The following SGCZ variants were observed in gnomAD, a reference collection of about 807,000 sequenced individuals.
SGCZ encodes sarcoglycan zeta, also known as zeta-sarcoglycan.
SGCZ carries 40 observed loss-of-function variants against 41.3 expected under a neutral mutation model. That is an observed-to-expected ratio of 0.97 (90% CI 0.75 to 1.26). The LOEUF (loss-of-function observed/expected upper bound fraction) is 1.26, where lower values mean the gene tolerates loss of function less well. Ranked by LOEUF, SGCZ falls within the 50% of genes most tolerant of loss-of-function variation. The pLI, the probability that SGCZ is intolerant of heterozygous loss-of-function variation, is 0.00. For synonymous variants in SGCZ, 206 were observed against 137.5 expected, an observed-to-expected ratio of 1.50 and a Z score of -3.49; for missense variants, 552 against 369.8, an observed-to-expected ratio of 1.49 and a Z score of -4.04.
chr8:14,879,407 G>C (rs1804492811), intron 1 of SGCZ: 1 of 151,962 alleles, frequency 6.6e-6, no homozygotes, highest in Admixed American at 6.6e-5. Context: ...CATAGAACTA[G>C]AAAACCATGA....
intron 2 of SGCZ, among the ~76,000 whole-genome samples, chr8:14,541,181 T>C (rs948150816): frequency 2.6e-5 from 4 of 152,140 alleles, no homozygotes; most frequent in Non-Finnish European, 4.4e-5. Context: ...AGGTACTGAA[T>C]GTGTAGGTTC....
intron 2 of SGCZ, among the ~76,000 whole-genome samples, chr8:14,330,115 C>A (rs1023429802): frequency 1.3e-5 from 2 of 152,026 alleles, no homozygotes; most frequent in African/African-American, 4.8e-5. Context: ...TTAGAAAATG[C>A]TCTATTAGTA....
intron 1 of SGCZ, among the ~76,000 whole-genome samples, chr8:15,096,507 TG>T (rs1806351037): frequency 6.6e-6 from 1 of 152,152 alleles, no homozygotes; most frequent in Non-Finnish European, 1.5e-5. Flanking sequence ...GGCAGGACTG[TG>T]GGCATAAACG....
rs1369366803 is a variant in SGCZ at position 14,231,329 on chromosome 8, G to A, written c.424+6263C>T. Among the ~76,000 whole-genome samples, 6 of 151,838 alleles carry A rather than the reference G, an allele frequency of 4.0e-5. 1 individual carries two copies. Among genetic ancestry groups the A allele is most frequent in the Admixed American group, 3.9e-4 (6 of 15,198 alleles). ...GTTGGAGGTGGGCAGAGGGGCACTG[G>A]CCCAGTTAAGAGTCTTAGGGAAGGT... On this transcript the variant is annotated intron_variant, in intron 4 of 7. Coordinates refer to ENST00000382080, the MANE Select transcript of SGCZ (RefSeq NM_139167.4).
intron 7 of SGCZ, among the ~76,000 whole-genome samples, chr8:14,092,959 T>A (rs2116955676): frequency 6.6e-6 from 1 of 152,164 alleles, no homozygotes; most frequent in South Asian, 2.1e-4. Flanking sequence ...ATCTTCTAAC[T>A]TGGAAAATGC....
chr8:14,815,806 G>A (rs184721661), intron 1 of SGCZ, among the ~76,000 whole-genome samples: 115 of 152,278 alleles, frequency 7.6e-4, no homozygotes, highest in African/African-American at 2.5e-3. Context: ...TGGTATTATG[G>A]AATAAAACTG....
At chr8:14,729,882 C>G (rs1810178151) in intron 1 of SGCZ, among the ~76,000 whole-genome samples, 1 of 152,126 alleles carries the variant, frequency 6.6e-6, no homozygotes, top group Non-Finnish European at 1.5e-5. Flanking sequence ...GTCAGGATTT[C>G]AGGACCAGCC....
intron 2 of SGCZ, among the ~76,000 whole-genome samples, chr8:14,446,280 C>T (rs575730979): frequency 6.6e-6 from 1 of 152,316 alleles, no homozygotes; most frequent in South Asian, 2.1e-4. Context: ...GTTTTACCTA[C>T]TGCTGTCACT....
intron 1 of SGCZ, among the ~76,000 whole-genome samples, chr8:15,198,085 T>C (rs1800787492): frequency 6.7e-6 from 1 of 149,184 alleles, no homozygotes; most frequent in South Asian, 2.1e-4. Flanking sequence ...CAATTTGATA[T>C]GTATTATGAT....
At chr8:15,155,090 G>A (rs1036682914) in intron 1 of SGCZ, among the ~76,000 whole-genome samples, 5 of 152,028 alleles carry the variant, frequency 3.3e-5, no homozygotes, top group Non-Finnish European at 5.9e-5. Flanking sequence ...CCAGGAGTTC[G>A]AGACCAGCCT....
chr8:14,350,143 CTTAAAAAACAAA>C (rs1803035966), intron 2 of SGCZ, among the ~76,000 whole-genome samples: 1 of 150,818 alleles, frequency 6.6e-6, no homozygotes, highest in Admixed American at 6.6e-5. Flanking sequence ...GGGCTTAGAG[CTTAAAAAACAAA>C]TGAACAAACA....
intron 1 of SGCZ, among the ~76,000 whole-genome samples, chr8:15,142,756 C>G (rs367757980): frequency 1.3e-5 from 2 of 151,406 alleles, no homozygotes; most frequent in African/African-American, 4.9e-5. Flanking sequence ...GGCCTACAGG[C>G]ACACATCACC....
intron 3 of SGCZ, among the ~76,000 whole-genome samples, chr8:14,250,304 T>C (rs1045515606): frequency 2.0e-5 from 3 of 152,176 alleles, no homozygotes; most frequent in Non-Finnish European, 4.4e-5. Context: ...ATGTTAAACC[T>C]ACAAATCTAT....
intron 1 of SGCZ, among the ~76,000 whole-genome samples, chr8:15,078,760 T>C (rs1805638133): frequency 6.6e-6 from 1 of 152,052 alleles, no homozygotes; most frequent in Non-Finnish European, 1.5e-5. Flanking sequence ...TATATACTTA[T>C]CCACTATATG....
At chr8:14,691,801 C>G (rs1485002845) in intron 1 of SGCZ, among the ~76,000 whole-genome samples, 1 of 151,532 alleles carries the variant, frequency 6.6e-6, no homozygotes, top group Non-Finnish European at 1.5e-5. Flanking sequence ...ATTTTTTTTG[C>G]CGTAATAAAA....
At chr8:15,017,770 T>C (rs908234779) in intron 1 of SGCZ, among the ~76,000 whole-genome samples, 1 of 152,170 alleles carries the variant, frequency 6.6e-6, no homozygotes, top group African/African-American at 2.4e-5. Flanking sequence ...CCTCTCAAAG[T>C]GCTGGGATTT....
intron 1 of SGCZ, among the ~76,000 whole-genome samples, chr8:15,198,067 T>C (rs1327551546): frequency 1.3e-5 from 2 of 148,886 alleles, no homozygotes; most frequent in Non-Finnish European, 3.0e-5. Flanking sequence ...ATTATATATG[T>C]ATAATGGCAA....
At chr8:14,663,674 C>T (rs905077575) in intron 1 of SGCZ, among the ~76,000 whole-genome samples, 3 of 152,134 alleles carry the variant, frequency 2.0e-5, no homozygotes, top group African/African-American at 7.2e-5. Flanking sequence ...ATTTTTTTCA[C>T]AGGCTTATAG....
chr8:14,482,342 A>G (rs1250215913), intron 2 of SGCZ, among the ~76,000 whole-genome samples: 1 of 152,206 alleles, frequency 6.6e-6, no homozygotes, highest in Non-Finnish European at 1.5e-5. Context: ...AGCAAACAGC[A>G]TTTCCTGTAT....
Sources: allele counts gnomAD v4.1 joint callset (sites outside exome capture counted in the v4.1 genomes callset), GRCh38; gene constraint gnomAD v4.1.1; transcripts MANE v1.5; gene names NCBI Gene and HGNC (gene_info 2026-07-23, HGNC 2026-07-21).